Variants in PLPPR5 observed in about 807,000 individuals in gnomAD.
PLPPR5 encodes the protein phospholipid phosphatase-related protein type 5.
Under a neutral mutation model 33.9 loss-of-function variants are expected in PLPPR5, and 16 were observed. That is an observed-to-expected ratio of 0.47 (90% CI 0.32 to 0.72). The LOEUF (loss-of-function observed/expected upper bound fraction) is 0.72. PLPPR5 is among the 30% of genes least tolerant of loss of function. PLPPR5 has a pLI of 0.03. For missense variants in PLPPR5, 301 were observed against 406.7 expected (o/e 0.74, Z 2.23); for synonymous variants, 163 against 150.3 (o/e 1.08, Z -0.62).
At chr1:98,937,309 C>T (rs751977677) in intron 3 of PLPPR5, among the ~76,000 whole-genome samples, 1 of 152,220 alleles carries the variant, frequency 6.6e-6, no homozygotes, top group African/African-American at 2.4e-5. Context: ...CCAAAGATGG[C>T]TATAACAGTC....
intron 3 of PLPPR5, among the ~76,000 whole-genome samples, chr1:98,945,296 T>C (rs1425560541): frequency 2.6e-5 from 4 of 152,246 alleles, no homozygotes; most frequent in African/African-American, 9.6e-5. Context: ...GTGCTTGAGC[T>C]ACCTGGTCAC....
At chr1:98,893,331 G>T (rs1648351965) in intron 5 of PLPPR5, among the ~76,000 whole-genome samples, 1 of 151,946 alleles carries the variant, frequency 6.6e-6, no homozygotes, top group African/African-American at 2.4e-5. Flanking sequence ...TGTTATACCT[G>T]CTTTATTCAA....
At chr1:99,005,091 G>A (rs1653030642), upstream of PLPPR5, 1 of 153,036 alleles carries the variant, frequency 6.5e-6, no homozygotes, top group African/African-American at 2.4e-5. Flanking sequence ...GCGGCAGCCG[G>A]CGGGACAGCG....
At chr1:98,932,323 A>T (rs891294595) in intron 3 of PLPPR5, among the ~76,000 whole-genome samples, 2 of 152,208 alleles carry the variant, frequency 1.3e-5, no homozygotes, top group African/African-American at 2.4e-5. Context: ...ATCAGGTCAC[A>T]GTTTCAAACA....
At chr1:98,941,957 G>A (rs1406367640) in intron 3 of PLPPR5, among the ~76,000 whole-genome samples, 1 of 150,624 alleles carries the variant, frequency 6.6e-6, no homozygotes, top group African/African-American at 2.4e-5. Flanking sequence ...GAAGGAGTTT[G>A]ATAACTGCAA....
intron 1 of PLPPR5, chr1:98,991,352 G>A (rs1457679287): frequency 1.3e-5 from 2 of 151,210 alleles, no homozygotes; most frequent in Non-Finnish European, 2.9e-5. Context: ...CCCGCCCCAA[G>A]TCTAATGCAT....
At chr1:98,917,439 C>T (rs1167337133) in intron 4 of PLPPR5, among the ~76,000 whole-genome samples, 1 of 152,170 alleles carries the variant, frequency 6.6e-6, no homozygotes, top group Non-Finnish European at 1.5e-5. Flanking sequence ...AATGATCTTT[C>T]CAAATGCAAA....
At chr1:98,939,691 G>A (rs1012714932) in intron 3 of PLPPR5, among the ~76,000 whole-genome samples, 4 of 151,944 alleles carry the variant, frequency 2.6e-5, no homozygotes, top group Non-Finnish European at 4.4e-5. Flanking sequence ...AGTGGTGGCA[G>A]TGCAGGTGGA....
intron 1 of PLPPR5, among the ~76,000 whole-genome samples, chr1:98,991,975 C>T (rs1381378693): frequency 3.3e-5 from 5 of 152,184 alleles, no homozygotes; most frequent in African/African-American, 9.6e-5. Flanking sequence ...ATTTGTCTTG[C>T]TTTCTCTCCA....
At chr1:99,003,056 CATATATATATAT>C (rs59686592) in intron 1 of PLPPR5, among the ~76,000 whole-genome samples, 3,783 of 81,134 alleles carry the variant, frequency 0.047, 126 homozygotes, top group Non-Finnish European at 0.051. Context: ...ACTTATTTTA[CATATATATATAT>C]ATATATATAT....
chr1:98,949,505 C>T (rs2101206019), intron 3 of PLPPR5, among the ~76,000 whole-genome samples: 1 of 152,270 alleles, frequency 6.6e-6, no homozygotes, highest in Middle Eastern at 3.4e-3. Flanking sequence ...ATAACACCAA[C>T]ACTAAATTAA....
intron 1 of PLPPR5, chr1:98,991,060 A>G (rs748838122): frequency 6.6e-6 from 1 of 152,158 alleles, no homozygotes; most frequent in Non-Finnish European, 1.5e-5. Context: ...ACAACCATGT[A>G]GTATACTACA....
intron 5 of PLPPR5, among the ~76,000 whole-genome samples, chr1:98,900,117 C>T (rs1648638021): frequency 6.6e-6 from 1 of 152,160 alleles, no homozygotes; most frequent in Non-Finnish European, 1.5e-5. Flanking sequence ...GAGGAAATTT[C>T]CTGACTACTA....
intron 5 of PLPPR5, among the ~76,000 whole-genome samples, chr1:98,903,666 T>C (rs546444341): frequency 6.6e-6 from 1 of 152,260 alleles, no homozygotes; most frequent in African/African-American, 2.4e-5. Context: ...AAAGAAATGA[T>C]TGTTGCGGGA....
chr1:98,892,980 A>G lies in PLPPR5; in HGVS notation c.*92T>C. ...TAAAAATTATTAAACAACTTTATAA[A>G]CTTCACTTGCAATCAAACAAACTTT... On this transcript the variant is annotated 3_prime_UTR_variant, in exon 6 of 6. Transcript: ENST00000263177. 8.2e-7 allele frequency: 1 copy of G among 1,222,828 alleles called. No homozygotes were observed. The highest frequency in any genetic ancestry group is 1.3e-5 in the South Asian group (1 of 75,308). The allele number at this position is 1,222,828 out of a possible 1,614,324, so 75.7% of individuals were successfully genotyped here. A position where few individuals can be genotyped will look rare whatever the true frequency, so the allele number is the denominator to read the frequency against.
intron 5 of PLPPR5, 48 bp downstream of exon 5, chr1:98,914,738 A>G (rs749786089): frequency 1.1e-5 from 17 of 1,513,978 alleles, no homozygotes; most frequent in Non-Finnish European, 1.5e-5. Flanking sequence ...AGGAATAATG[A>G]TTCATTTGCT....
upstream of PLPPR5, among the ~76,000 whole-genome samples, chr1:99,005,381 CGGGGCTGGAGCCTGGCGGTGGTTTCTA>C (rs1486177768): frequency 6.6e-6 from 1 of 152,108 alleles, no homozygotes; most frequent in Admixed American, 6.5e-5. Context: ...TGACCCAGCC[CGGGGCTGGAGCCTGGCGGTGGTTTCTA>C]GGCGCTGTTA....
intron 3 of PLPPR5, among the ~76,000 whole-genome samples, chr1:98,926,052 T>G (rs565195956): frequency 2.6e-5 from 4 of 152,346 alleles, no homozygotes; most frequent in Admixed American, 2.6e-4. Context: ...CCTTTTCTTA[T>G]GCTATTTAGC....
chr1:98,955,340 G>A (rs1046107703), intron 2 of PLPPR5, among the ~76,000 whole-genome samples: 2 of 151,994 alleles, frequency 1.3e-5, no homozygotes, highest in Non-Finnish European at 2.9e-5. Flanking sequence ...TACTTAAATA[G>A]GTACAATGTA....
Sources: gnomAD v4.1 joint callset for allele counts (sites outside exome capture counted in the v4.1 genomes callset) on GRCh38, gnomAD v4.1.1 for gene constraint, MANE v1.5 for transcripts, NCBI Gene and HGNC (gene_info 2026-07-23, HGNC 2026-07-21) for gene names.